HHAT: variants seen among roughly 807,000 people sequenced by gnomAD.
HHAT encodes the protein protein-cysteine N-palmitoyltransferase HHAT.
Under a neutral mutation model 70.8 loss-of-function variants are expected in HHAT, and 47 were observed. The ratio of observed to expected loss-of-function variants is 0.66; its 90% CI spans 0.53 to 0.85. The LOEUF (loss-of-function observed/expected upper bound fraction) is 0.85, where lower values mean the gene tolerates loss of function less well. Among genes scored for constraint, HHAT ranks in the 40% least tolerant of loss-of-function variants. The probability of loss-of-function intolerance (pLI) is 0.00; values close to 1 mark genes in which losing one functional copy is unlikely to be tolerated. For missense variants in HHAT, 609 were observed against 604.8 expected, an observed-to-expected ratio of 1.01 and a Z score of -0.07; for synonymous variants, 228 against 247.6, an observed-to-expected ratio of 0.92 and a Z score of 0.74.
chr1:210,422,423 C>T (rs2092930873), intron 7 of HHAT, among the ~76,000 whole-genome samples: 1 of 152,220 alleles, frequency 6.6e-6, no homozygotes, highest in South Asian at 2.1e-4. Context: ...CCTCCCTTTC[C>T]AGCTTCTAGT....
intron 7 of HHAT, among the ~76,000 whole-genome samples, chr1:210,455,673 G>A (rs544100657): frequency 2.0e-5 from 3 of 152,192 alleles, no homozygotes; most frequent in African/African-American, 4.8e-5. Context: ...TCTGTAAAAT[G>A]GGGAGTAATA....
chr1:210,624,254 C>T (rs896658244), intron 11 of HHAT, among the ~76,000 whole-genome samples: 1 of 152,152 alleles, frequency 6.6e-6, no homozygotes, highest in African/African-American at 2.4e-5. Context: ...AGAGTTCCCA[C>T]CAGCAAGAAG....
intron 9 of HHAT, among the ~76,000 whole-genome samples, chr1:210,545,081 A>T (rs566707558): frequency 2.8e-5 from 4 of 142,462 alleles, no homozygotes; most frequent in South Asian, 2.2e-4. Flanking sequence ...GAATGGCTTT[A>T]AAAAAAAAAA....
At chr1:210,401,616 C>T (rs2092079464) in intron 5 of HHAT, among the ~76,000 whole-genome samples, 1 of 152,200 alleles carries the variant, frequency 6.6e-6, no homozygotes, top group Admixed American at 6.5e-5. Flanking sequence ...TTCTTTAGGG[C>T]TTTTGTTTGC....
At chr1:210,421,670 C>G (rs185902388) in intron 7 of HHAT, among the ~76,000 whole-genome samples, 3 of 152,212 alleles carry the variant, frequency 2.0e-5, no homozygotes, top group African/African-American at 7.2e-5. Flanking sequence ...GTCTTGAACT[C>G]CTGACCTCAA....
At chr1:210,480,930 G>A (rs977063026) in intron 8 of HHAT, among the ~76,000 whole-genome samples, 5 of 152,182 alleles carry the variant, frequency 3.3e-5, no homozygotes, top group African/African-American at 1.2e-4. Flanking sequence ...ACAAATATTT[G>A]TTGAGTGCCT....
At chr1:210,510,787 A>G (rs566547790) in intron 8 of HHAT, among the ~76,000 whole-genome samples, 1 of 152,318 alleles carries the variant, frequency 6.6e-6, no homozygotes, top group African/African-American at 2.4e-5. Context: ...TCTAAACAAT[A>G]AATATAATTT....
intron 11 of HHAT, 46 bp downstream of exon 11, chr1:210,623,716 A>G: frequency 1.3e-6 from 2 of 1,583,200 alleles, no homozygotes; most frequent in African/African-American, 1.3e-5. Context: ...CTTGTTTTCC[A>G]TGTATGCGGA....
intron 11 of HHAT, among the ~76,000 whole-genome samples, chr1:210,669,228 G>T (rs1384062560): frequency 6.6e-6 from 1 of 152,078 alleles, no homozygotes; most frequent in Non-Finnish European, 1.5e-5. Context: ...ATTCCTTTCA[G>T]ACTGATATAA....
intron 8 of HHAT, among the ~76,000 whole-genome samples, chr1:210,482,350 T>C (rs1427453262): frequency 6.6e-6 from 1 of 152,216 alleles, no homozygotes; most frequent in East Asian, 1.9e-4. Flanking sequence ...CTGGTGCCTA[T>C]CTGAAAATGT....
intron 6 of HHAT, among the ~76,000 whole-genome samples, chr1:210,407,703 C>T (rs1393021031): frequency 2.0e-5 from 3 of 152,166 alleles, no homozygotes; most frequent in Admixed American, 6.5e-5. Context: ...ATTTGTTTTT[C>T]TCTCACGTTT....
At chr1:210,534,876 A>G (rs1178821763) in intron 9 of HHAT, among the ~76,000 whole-genome samples, 1 of 152,204 alleles carries the variant, frequency 6.6e-6, no homozygotes, top group Non-Finnish European at 1.5e-5. Flanking sequence ...TAGTGCTAAG[A>G]TACCTATAGA....
intron 9 of HHAT, among the ~76,000 whole-genome samples, chr1:210,546,365 G>T (rs186703252): frequency 1.3e-5 from 2 of 152,368 alleles, no homozygotes; most frequent in African/African-American, 2.4e-5. Context: ...TTCAGGGAAC[G>T]TGATCCAGGG....
At chr1:210,362,630 T>C (rs374543042) in intron 2 of HHAT, among the ~76,000 whole-genome samples, 12 of 152,348 alleles carry the variant, frequency 7.9e-5, no homozygotes, top group East Asian at 7.7e-4. Flanking sequence ...GTGACCCTTA[T>C]TACAAGCCAA....
At chr1:210,540,700 C>T (rs1354506093) in intron 9 of HHAT, among the ~76,000 whole-genome samples, 2 of 151,628 alleles carry the variant, frequency 1.3e-5, no homozygotes. Flanking sequence ...TGGCTATTCA[C>T]AGGTGCAATA....
chr1:210,395,747 A>T (rs1388898830), intron 4 of HHAT, among the ~76,000 whole-genome samples: 2 of 152,180 alleles, frequency 1.3e-5, no homozygotes, highest in African/African-American at 4.8e-5. Flanking sequence ...TTTTCACATT[A>T]TTGGGTTCCA....
At chr1:210,505,237 G>A (rs1174574707) in intron 8 of HHAT, among the ~76,000 whole-genome samples, 2 of 152,214 alleles carry the variant, frequency 1.3e-5, no homozygotes, top group South Asian at 2.1e-4. Flanking sequence ...TTGAGACGTA[G>A]GTTAACAGAT....
chr1:210,528,120 C>G (rs1334602160), intron 9 of HHAT, among the ~76,000 whole-genome samples: 1 of 152,148 alleles, frequency 6.6e-6, no homozygotes, highest in Non-Finnish European at 1.5e-5. Flanking sequence ...ATCAGGTGAT[C>G]ATATGCATAT....
chr1:210,402,626 G>A (rs1004864276), intron 5 of HHAT, among the ~76,000 whole-genome samples: 10 of 152,230 alleles, frequency 6.6e-5, no homozygotes, highest in Middle Eastern at 3.4e-3. Context: ...TAAAACAGTA[G>A]CATGTAAGTG....
Sources: allele counts gnomAD v4.1 joint callset (sites outside exome capture counted in the v4.1 genomes callset), GRCh38; gene constraint gnomAD v4.1.1; transcripts MANE v1.5; gene names NCBI Gene and HGNC (gene_info 2026-07-23, HGNC 2026-07-21).